The following BGN variants were observed in gnomAD, a reference collection of about 807,000 sequenced individuals.
BGN encodes the protein bone/cartilage proteoglycan-I.
A neutral mutation model predicts 20.0 loss-of-function variants in BGN; 6 were observed. The ratio of observed to expected loss-of-function variants is 0.30; its 90% CI spans 0.16 to 0.59. The LOEUF is 0.59. Ranked by LOEUF, BGN falls within the 20% of genes least tolerant of loss-of-function variation. BGN has a pLI of 0.88. For missense variants in BGN, 292 were observed against 312.1 expected (o/e 0.94, Z 0.49); for synonymous variants, 146 against 134.6 (o/e 1.08, Z -0.59).
At chrX:153,503,824 G>T (rs1556992396) in intron 1 of BGN, among the ~76,000 whole-genome samples, 1 of 110,597 alleles carries the variant, frequency 9.0e-6, no homozygotes, top group African/African-American at 3.3e-5. Flanking sequence ...GAGGAAGGGT[G>T]CGAGCAGATC....
At chrX:153,497,008 G>A (rs1218724610) in intron 1 of BGN, among the ~76,000 whole-genome samples, 3 of 80,114 alleles carry the variant, frequency 3.7e-5, no homozygotes, top group African/African-American at 1.5e-4. Flanking sequence ...ACATGTCCTC[G>A]GCCCACAGAA....
At position 153,508,505 on chromosome X, in the gene BGN, C is replaced by T; in HGVS notation, c.*60C>T. 8.8e-7 allele frequency: 1 copy of T among 1,142,546 alleles called. No individual in the cohort carries two copies. Among genetic ancestry groups the T allele is most frequent in the Non-Finnish European group, 1.2e-6 (1 of 843,578 alleles). The allele number at this position is 1,142,546 out of a possible 1,213,427, so 94.2% of individuals were successfully genotyped here. A position where few individuals can be genotyped will look rare whatever the true frequency, so the allele number is the denominator to read the frequency against. ...GTCTCTGGGGAACACAGCCAGACAT[C>T]CTGATGGGGAGGCAGAGCCAGGAAG... On this transcript the variant is annotated 3_prime_UTR_variant, in exon 8 of 8. Coordinates refer to ENST00000331595, the MANE Select transcript of BGN (RefSeq NM_001711.6).
chrX:153,506,741 C>G (rs2089803351), intron 5 of BGN, 89 bp from the exon 6 acceptor site: 1 of 1,143,069 alleles, frequency 8.7e-7, no homozygotes, highest in Admixed American at 2.2e-5. Flanking sequence ...CAGGGAAAGG[C>G]TCAACAGTCC....
At chrX:153,500,763 ATG>A (rs1414914336) in intron 1 of BGN, among the ~76,000 whole-genome samples, 1 of 107,714 alleles carries the variant, frequency 9.3e-6, no homozygotes, top group Non-Finnish European at 1.9e-5. Context: ...ATAAATGTGT[ATG>A]TGTGCGTGTG....
rs149704408 is a variant in BGN, at chrX:153,500,588, T to A, written c.-11-4033T>A. The stretch of plus-strand genomic sequence containing the variant: ...CTATGTGTGGATATATGTGTATGTA[T>A]GTGTATATGTATACATATGTATATG... On this transcript the variant is annotated intron_variant, in intron 1 of 7. Transcript: ENST00000331595. Among the ~76,000 whole-genome samples, 52 of 112,778 alleles carry A rather than the reference T, an allele frequency of 4.6e-4. 2 individuals carry two copies. In the East Asian group the frequency reaches 0.014, roughly 31 times the overall value.
At chrX:153,501,205 T>TA (rs1489955366) in intron 1 of BGN, among the ~76,000 whole-genome samples, 1 of 112,497 alleles carries the variant, frequency 8.9e-6, no homozygotes, top group East Asian at 2.8e-4. Flanking sequence ...TTTGTGTGTG[T>TA]ATGTGTGTAC....
Position 153,506,525 on chromosome X carries a change from C to T in BGN, c.566-4C>T, listed in dbSNP as rs1556993201. 2 of 1,209,278 alleles carry T rather than the reference C, an allele frequency of 1.7e-6. No individual in the cohort carries two copies. Among genetic ancestry groups the T allele is most frequent in the Admixed American group, 2.2e-5 (1 of 45,963 alleles). ...CTCCCGGGCTAATGAGGTCTCTCCC[C>T]TAGAGATGGGCGGGAACCCACTGGA... On this transcript the variant is annotated splice_region_variant and splice_polypyrimidine_tract_variant and intron_variant, in intron 4 of 7. Transcript: ENST00000331595.
chrX:153,503,638 G>A (rs2089776771), intron 1 of BGN, among the ~76,000 whole-genome samples: 2 of 111,926 alleles, frequency 1.8e-5, no homozygotes, highest in African/African-American at 6.5e-5. Flanking sequence ...TGATGAGGAG[G>A]GAGGAGGCAA....
chrX:153,496,487 G>T (rs1200785337), intron 1 of BGN, among the ~76,000 whole-genome samples: 1 of 112,766 alleles, frequency 8.9e-6, no homozygotes, highest in Non-Finnish European at 1.9e-5. Flanking sequence ...GGGCAAGCCC[G>T]TGTGGGTATA....
At chrX:153,500,343 G>T (rs1210502462) in intron 1 of BGN, among the ~76,000 whole-genome samples, 1 of 112,338 alleles carries the variant, frequency 8.9e-6, no homozygotes, top group Non-Finnish European at 1.9e-5. Context: ...GCTCTAAAGA[G>T]ATGGTATCCA....
At chrX:153,501,883 C>T (rs2089763044) in intron 1 of BGN, among the ~76,000 whole-genome samples, 1 of 111,995 alleles carries the variant, frequency 8.9e-6, no homozygotes, top group Admixed American at 9.3e-5. Flanking sequence ...CTTTCTCAGT[C>T]TCTTGGAGAC....
chrX:153,505,177 G>T, intron 2 of BGN, 61 bp from the exon 3 acceptor site: 1 of 943,899 alleles, frequency 1.1e-6, no homozygotes, highest in Admixed American at 2.5e-5. Flanking sequence ...GTTCATGCTG[G>T]TGGTGGGGGT....
intron 6 of BGN, 26 bp from the exon 7 acceptor site, chrX:153,507,021 A>C: frequency 8.3e-7 from 1 of 1,209,732 alleles, no homozygotes; most frequent in Middle Eastern, 2.3e-4. Context: ...CCAGCCTTTG[A>C]GTCCGTGTCA....
At position 153,508,739 on chromosome X, in the gene BGN, C is replaced by T; in HGVS notation, c.*294C>T. 2.6e-6 allele frequency: 1 copy of T among 379,668 alleles called. No individual in the cohort carries two copies. Among genetic ancestry groups the T allele is most frequent in the South Asian group, 3.8e-5 (1 of 26,305 alleles). The allele number at this position is 379,668 out of a possible 1,213,427, so 31.3% of individuals were successfully genotyped here. The stretch of plus-strand genomic sequence containing the variant: ...CACCCCATGAAGCTTTTTTCTCGTT[C>T]ACTCCCAAACCCAAGTGTCCAAGGC... On this transcript the variant is annotated 3_prime_UTR_variant, in exon 8 of 8. Transcript: ENST00000331595.
chrX:153,500,763 A>ATG (rs1414914336), intron 1 of BGN, among the ~76,000 whole-genome samples: 54 of 107,713 alleles, frequency 5.0e-4, no homozygotes, highest in South Asian at 4.1e-3. Flanking sequence ...ATAAATGTGT[A>ATG]TGTGTGCGTG....
chrX:153,506,429 C>T, intron 4 of BGN, 100 bp from the exon 5 acceptor site: 2 of 758,450 alleles, frequency 2.6e-6, no homozygotes, highest in East Asian at 6.3e-5. Flanking sequence ...ACGGGAGCAG[C>T]CGGCAGGTAG....
chrX:153,508,177 T>C, intron 7 of BGN, 71 bp from the exon 8 acceptor site: 1 of 1,121,161 alleles, frequency 8.9e-7, no homozygotes, highest in East Asian at 3.0e-5. Flanking sequence ...AACAGCAAAA[T>C]GCCTCCTGGA....
chrX:153,508,023 C>A (rs902715674), intron 7 of BGN, among the ~76,000 whole-genome samples: 1 of 113,073 alleles, frequency 8.8e-6, no homozygotes, highest in African/African-American at 3.2e-5. Context: ...ACCTGACCCA[C>A]CTGAGACCCT....
chrX:153,508,467 G>A lies in BGN; in HGVS notation c.*22G>A, dbSNP rs371492550. The A allele has an allele frequency of 8.4e-7, 1 of 1,197,478 alleles. No individual in the cohort carries two copies. The highest frequency in any genetic ancestry group is 1.8e-5 in the African/African-American group (1 of 57,095). On this transcript the variant is annotated 3_prime_UTR_variant, in exon 8 of 8. Transcript: ENST00000331595. ...GTAGAGGCAGCTGCAGCCACCGCGG[G>A]GCCTCAGTGGGGGTCTCTGGGGAAC...
Sources: allele counts gnomAD v4.1 joint callset (sites outside exome capture counted in the v4.1 genomes callset), GRCh38; gene constraint gnomAD v4.1.1; transcripts MANE v1.5; gene names NCBI Gene and HGNC (gene_info 2026-07-23, HGNC 2026-07-21).